Variants in MCM3AP observed in about 807,000 individuals in gnomAD.
MCM3AP encodes the protein minichromosome maintenance complex component 3 associated protein.
In MCM3AP, 126 loss-of-function variants were observed where a neutral mutation model predicts 184.1. The observed-to-expected ratio is 0.68, with a 90% CI of 0.59 to 0.79. The LOEUF (loss-of-function observed/expected upper bound fraction) is 0.79, where lower values mean the gene tolerates loss of function less well. Among genes scored for constraint, MCM3AP ranks in the 30% least tolerant of loss-of-function variants. The pLI is 0.00. For synonymous variants in MCM3AP, 1,002 were observed against 979.3 expected (o/e 1.02, Z -0.43); for missense variants, 2,496 against 2,479.2 (o/e 1.01, Z -0.14).
chr21:46,278,953 G>A (rs553594511), intron 4 of MCM3AP, among the ~76,000 whole-genome samples: 919 of 2,524 alleles, frequency 0.36, 9 homozygotes, highest in African/African-American at 0.44. Context: ...GATTACAGGC[G>A]TGAGCACTGC....
chr21:46,251,701 C>T lies in MCM3AP; in HGVS notation c.4137-19G>A. 6.8e-7 allele frequency: 1 copy of T among 1,460,692 alleles called. No homozygotes were observed. Among genetic ancestry groups the T allele is most frequent in the Non-Finnish European group, 9.4e-7 (1 of 1,069,414 alleles). 90.5% of individuals were successfully genotyped at this position (1,460,692 alleles called of 1,614,324 possible). On this transcript the variant is annotated intron_variant, in intron 19 of 27. Coordinates refer to ENST00000291688, the MANE Select transcript of MCM3AP (RefSeq NM_003906.5). ...TAGAATTCTACAGATTTAAAAAAAA[C>T]AAAAAACAAAAAAAACACTTGAAGA... is the stretch of plus-strand genomic sequence containing the variant.
Position 46,254,483 on chromosome 21 carries a change from C to A in MCM3AP, c.4045G>T (p.Glu1349Ter). 6.2e-7 allele frequency: 1 copy of A among 1,614,176 alleles called. No individual in the cohort carries two copies. The highest frequency in any genetic ancestry group is 8.5e-7 in the Non-Finnish European group (1 of 1,180,044). The change falls in exon 19 of 28, where the codon GAG becomes TAG. Residue 1349 changes from glutamate to a stop codon, truncating the protein, a stop_gained. Coordinates refer to ENST00000291688, the MANE Select transcript of MCM3AP (RefSeq NM_003906.5). LOFTEE classifies it high-confidence loss of function. ...ASLDLPSLVA[E>*]HLPGRQEHVF... ...TGCTCCTGCCTCCCAGGGAGGTGCTCAGCCACGAGGGATGGCAGGTCCAGA... is the reference window on the plus strand; with the variant it reads ...TGCTCCTGCCTCCCAGGGAGGTGCTAAGCCACGAGGGATGGCAGGTCCAGA...
chr21:46,236,818 G>T lies in MCM3AP; in HGVS notation c.5784+11C>A, dbSNP rs17183368. The T allele has an allele frequency of 0.056, 84,660 of 1,525,332 alleles. 2,726 individuals are homozygous for T. Among genetic ancestry groups the T allele is most frequent in the Non-Finnish European group, 0.063 (71,563 of 1,142,198 alleles). 94.5% of individuals were successfully genotyped at this position (1,525,332 alleles called of 1,614,324 possible). The stretch of plus-strand genomic sequence containing the variant: ...TCTTATGTAAATGCCAAATGTATAC[G>T]TTCTTCTCACCTGTGGGCTAGTAGT... On this transcript the variant is annotated intron_variant, in intron 27 of 27. Coordinates refer to ENST00000291688, the MANE Select transcript of MCM3AP (RefSeq NM_003906.5).
At chr21:46,241,909 A>T (rs1030774923) in intron 25 of MCM3AP, 6 of 152,186 alleles carry the variant, frequency 3.9e-5, no homozygotes, top group African/African-American at 1.4e-4. Flanking sequence ...AGTATCATGG[A>T]GTTGGAGAAG....
At chr21:46,258,519 T>C (rs2080990282) in intron 16 of MCM3AP, among the ~76,000 whole-genome samples, 1 of 152,212 alleles carries the variant, frequency 6.6e-6, no homozygotes, top group East Asian at 1.9e-4. Context: ...AGTTTGAATA[T>C]ACACTATTTG....
In MCM3AP at chr21:46,285,343, T is replaced by C. The variant is rs1156916211; in HGVS notation, c.-57A>G. The C allele has an allele frequency of 8.2e-7, 1 of 1,220,132 alleles. No individual in the cohort carries two copies. The highest frequency in any genetic ancestry group is 1.5e-5 in the African/African-American group (1 of 66,546). 75.6% of individuals were successfully genotyped at this position (1,220,132 alleles called of 1,614,324 possible). On this transcript the variant is annotated 5_prime_UTR_variant, in exon 1 of 28. Transcript: ENST00000291688. ...TATTATGTGTACAAAATTAATTGGC[T>C]TCCTGAAACAGCCTGTAGCACTAGG...
chr21:46,247,304 A>G (rs1435554583), intron 20 of MCM3AP: 1 of 164,600 alleles, frequency 6.1e-6, no homozygotes, highest in Non-Finnish European at 1.3e-5. Context: ...GTTTCTTCAT[A>G]TATTCAGAGG....
At chr21:46,249,483 G>A (rs1215352189) in intron 20 of MCM3AP, 8 of 411,660 alleles carry the variant, frequency 1.9e-5, no homozygotes, top group African/African-American at 6.2e-5. Context: ...GCCACTATGC[G>A]CGGCCAGGAA....
At chr21:46,283,971 T>A (rs2081366238) in intron 1 of MCM3AP, 97 bp downstream of exon 1, 1 of 1,542,712 alleles carries the variant, frequency 6.5e-7, no homozygotes, top group Non-Finnish European at 8.7e-7. Flanking sequence ...CTAATGTTTA[T>A]GGGAGATTTA....
Position 46,264,144 on chromosome 21 carries a change from C to T in MCM3AP, c.3308G>A (p.Gly1103Asp). 1 of 1,613,794 alleles carries T rather than the reference C, an allele frequency of 6.2e-7. No individual in the cohort carries two copies. Among genetic ancestry groups the T allele is most frequent in the Non-Finnish European group, 8.5e-7 (1 of 1,179,790 alleles). The change falls in exon 13 of 28, where the codon GGT becomes GAT. Residue 1103 changes from glycine (G) to aspartate (D), a missense_variant. Physicochemically the swap from Gly to Asp is moderately conservative, Grantham distance 94. Coordinates refer to ENST00000291688, the MANE Select transcript of MCM3AP (RefSeq NM_003906.5). ...CAGGGCGGCAGCTGCGTAGGCAGCACCCGCAGAGCCAACTTCCTCACAGTC... is the reference window on the plus strand; with the variant it reads ...CAGGGCGGCAGCTGCGTAGGCAGCATCCGCAGAGCCAACTTCCTCACAGTC... ...QRDCEEVGSA[G>D]AAYAAAALGV...
rs759539563 is a variant in MCM3AP at position 46,285,048 on chromosome 21, C to G, written c.239G>C (p.Ser80Thr). Residue 80 changes from serine (S) to threonine (T), a missense_variant, in exon 1 of 28, where the codon AGT (serine) becomes ACT (threonine). Physicochemically the swap from Ser to Thr is moderately conservative, Grantham distance 58. Transcript: ENST00000291688. ...CTCAAGTCCAGAAAAGGGTCCAACA[C>G]TTGAGGTTTGGGTGAACCCTAATGT... ...VQTLGFTQTSSVGPFSGLEHT... is the reference protein window; with the variant it reads ...VQTLGFTQTSTVGPFSGLEHT... The G allele has an allele frequency of 2.5e-6, 4 of 1,614,038 alleles. No homozygotes were observed. Among genetic ancestry groups the G allele is most frequent in the Admixed American group, 1.7e-5 (1 of 60,004 alleles).
At position 46,243,569 on chromosome 21, in the gene MCM3AP, C is replaced by T; in HGVS notation, c.5192G>A (p.Gly1731Glu). The change falls in exon 24 of 28, where the codon GGG becomes GAG. Residue 1731 changes from glycine (G) to glutamate (E), a missense_variant. Around this residue, in one of 5 missense-constraint regions of MCM3AP, gnomAD observed 1,323 missense variants for 1,273.4 expected, o/e 1.04. Transcript: ENST00000291688. ...GATCTCCATGACCGAGGGGCCTGCC[C>T]CATGGACTGGGGAGGGACTCTTGCT... The part of the protein sequence containing the change: ...WKSKSPSPVH[G>E]AGPSVMEIPW... 11 of 1,614,196 alleles carry T rather than the reference C, an allele frequency of 6.8e-6. No homozygotes were observed. Among genetic ancestry groups the T allele is most frequent in the Non-Finnish European group, 9.3e-6 (11 of 1,180,038 alleles).
At chr21:46,279,821 C>G (rs1308509452) in intron 4 of MCM3AP, among the ~76,000 whole-genome samples, 172 bp downstream of exon 4, 1 of 152,194 alleles carries the variant, frequency 6.6e-6, no homozygotes, top group Admixed American at 6.5e-5. Flanking sequence ...TCCTAACGGC[C>G]CATGCTGGCA....
chr21:46,259,528 G>C (rs1601516584), intron 15 of MCM3AP: 1 of 152,514 alleles, frequency 6.6e-6, no homozygotes, highest in South Asian at 2.1e-4. Flanking sequence ...CTAGCTCTTT[G>C]CGAGGCCAAA....
chr21:46,243,515 A>G lies in MCM3AP; in HGVS notation c.5246T>C (p.Ile1749Thr). Residue 1749 changes from isoleucine (I) to threonine (T), a missense_variant, in exon 24 of 28, where the codon ATC (isoleucine) becomes ACC (threonine). Transcript: ENST00000291688. ...IPWDDLIALC[I>T]NHKLRDWTPP... ...CGTCCAGTCTCTCAGCTTGTGGTTG[A>G]TACACAAGGCGATAAGATCATCCCA... The G allele has an allele frequency of 6.2e-7, 1 of 1,614,182 alleles. No homozygotes were observed. Among genetic ancestry groups the G allele is most frequent in the Non-Finnish European group, 8.5e-7 (1 of 1,180,016 alleles).
At chr21:46,280,649 G>T in intron 2 of MCM3AP, 74 bp from the exon 3 acceptor site, 3 of 1,005,154 alleles carry the variant, frequency 3.0e-6, no homozygotes, top group South Asian at 1.3e-5. Context: ...AAACTCAAAT[G>T]CAGTAAGCAC....
intron 6 of MCM3AP, among the ~76,000 whole-genome samples, chr21:46,274,050 G>A (rs2081223831): frequency 6.6e-6 from 1 of 152,242 alleles, no homozygotes; most frequent in Non-Finnish European, 1.5e-5. Context: ...TCAAAAGGAG[G>A]CTGAAGACGT....
chr21:46,282,972 C>T (rs2081352105), intron 2 of MCM3AP, among the ~76,000 whole-genome samples: 1 of 151,648 alleles, frequency 6.6e-6, no homozygotes, highest in Non-Finnish European at 1.5e-5. Context: ...GTCTCCCAGA[C>T]TGGAGTGCAG....
chr21:46,258,648 G>A (rs2080992490), intron 16 of MCM3AP, among the ~76,000 whole-genome samples: 1 of 152,074 alleles, frequency 6.6e-6, no homozygotes, highest in African/African-American at 2.4e-5. Flanking sequence ...AGTGCAGTGG[G>A]CAAATGGCAG....
Sources: allele counts gnomAD v4.1 joint callset (sites outside exome capture counted in the v4.1 genomes callset), GRCh38; gene constraint gnomAD v4.1.1; regional missense constraint gnomAD v4.1.1; transcripts MANE v1.5; gene names NCBI Gene and HGNC (gene_info 2026-07-23, HGNC 2026-07-21).